NME9: variants seen among roughly 807,000 people sequenced by gnomAD.
NME9 encodes the protein NME/NM23 family member 9, also known as thioredoxin domain-containing protein 6.
NME9 carries 48 observed loss-of-function variants against 44.4 expected under a neutral mutation model. The observed-to-expected ratio is 1.08, with a 90% CI of 0.86 to 1.37. The LOEUF (loss-of-function observed/expected upper bound fraction) is 1.37, where lower values mean the gene tolerates loss of function less well. NME9 is among the 40% of genes most tolerant of loss of function. NME9 has a pLI of 0.00. For missense variants in NME9, 325 were observed against 405.2 expected, an observed-to-expected ratio of 0.80 and a Z score of 1.70; for synonymous variants, 139 against 147.1, an observed-to-expected ratio of 0.94 and a Z score of 0.40.
intron 6 of NME9, 44 bp from the exon 7 acceptor site, chr3:138,306,524 C>G (rs755305328): frequency 3.4e-5 from 40 of 1,178,022 alleles, no homozygotes; most frequent in South Asian, 6.8e-5. Context: ...GTTTGAGGCT[C>G]CTGAGAGGCC....
At chr3:138,284,331 AT>A in intron 8 of NME9, 1 of 807,242 alleles carries the variant, frequency 1.2e-6, no homozygotes, top group Non-Finnish European at 2.1e-6. Flanking sequence ...ACCTGTGAGA[AT>A]CCATGTACCT....
In NME9 at chr3:138,329,289, C is replaced by T. The variant is rs1469872260; in HGVS notation, c.33+14G>A. ...CCAACCCAGAGCTGGAAGCTAGCGC[C>T]CCTTGAGGCTTACCTGCAGGGCAAT... On this transcript the variant is annotated intron_variant, in intron 1 of 10. Coordinates refer to ENST00000333911, the MANE Select transcript of NME9 (RefSeq NM_001349018.2). 5 of 1,535,452 alleles carry T rather than the reference C, an allele frequency of 3.3e-6. No individual in the cohort carries two copies. In the East Asian group the frequency reaches 9.8e-5, roughly 30 times the overall value.
Position 138,306,497 on chromosome 3 carries a change from T to TG in NME9, c.461-18dup, listed in dbSNP as rs1249402933. On this transcript the variant is annotated splice_polypyrimidine_tract_variant and intron_variant, in intron 6 of 10. Transcript: ENST00000333911. ...CTGATGAAACTAAGCCAAAAAATGGTGCTGTCAGATGCTGATGTTTGAGGC... is the reference window on the plus strand; with the variant it reads ...CTGATGAAACTAAGCCAAAAAATGGTGGCTGTCAGATGCTGATGTTTGAGGC... 2.6e-6 allele frequency: 4 copies of TG among 1,514,032 alleles called. No individual in the cohort carries two copies. In the Admixed American group the frequency reaches 7.1e-5, roughly 27 times the overall value. 93.8% of individuals were successfully genotyped at this position (1,514,032 alleles called of 1,614,324 possible).
intron 8 of NME9, among the ~76,000 whole-genome samples, chr3:138,271,798 C>CTTTTTTTTTTT (rs776320900): frequency 2.2e-5 from 3 of 136,136 alleles, no homozygotes; most frequent in African/African-American, 8.5e-5. Context: ...TTTTTTCTTT[C>CTTTTTTTTTTT]TTTTTTTTTT....
At chr3:138,265,772 G>A (rs1486098761) in intron 8 of NME9, among the ~76,000 whole-genome samples, 6 of 152,212 alleles carry the variant, frequency 3.9e-5, no homozygotes, top group Non-Finnish European at 8.8e-5. Flanking sequence ...TAAGGACGAA[G>A]TGGAAGAGTT....
downstream of NME9, among the ~76,000 whole-genome samples, chr3:138,298,734 A>G (rs143108943): frequency 8.5e-3 from 1,295 of 152,326 alleles, 8 homozygotes; most frequent in Middle Eastern, 0.017. Flanking sequence ...CTACCACAGT[A>G]TGCAAGAGCT....
At chr3:138,262,656 G>T (rs2047868160) in intron 8 of NME9, 1 of 1,457,794 alleles carries the variant, frequency 6.9e-7, no homozygotes, top group Non-Finnish European at 9.1e-7. Context: ...AATTTAATTG[G>T]TCTGCTGTAT....
chr3:138,278,282 G>A (rs1252052506), intron 8 of NME9, among the ~76,000 whole-genome samples: 1 of 152,058 alleles, frequency 6.6e-6, no homozygotes, highest in African/African-American at 2.4e-5. Flanking sequence ...TGAGGCAGGC[G>A]GATCACTTGA....
intron 8 of NME9, chr3:138,273,254 TTGA>T: frequency 1.0e-6 from 1 of 960,324 alleles, no homozygotes; most frequent in Admixed American, 2.7e-5. Flanking sequence ...AAACAAGGAG[TTGA>T]TGTCTAAACC....
chr3:138,318,752 G>A (rs1193784577), intron 3 of NME9, among the ~76,000 whole-genome samples: 2 of 152,156 alleles, frequency 1.3e-5, no homozygotes, highest in Non-Finnish European at 2.9e-5. Flanking sequence ...TATCAACAGT[G>A]TCTCTTGCAC....
chr3:138,275,314 T>G (rs945215385), intron 8 of NME9, among the ~76,000 whole-genome samples: 2 of 152,116 alleles, frequency 1.3e-5, no homozygotes, highest in African/African-American at 4.8e-5. Context: ...TCCCAGCACT[T>G]TGGGAGGCCG....
intron 8 of NME9, among the ~76,000 whole-genome samples, chr3:138,281,302 T>A (rs2049897289): frequency 6.6e-6 from 1 of 151,898 alleles, no homozygotes; most frequent in Non-Finnish European, 1.5e-5. Flanking sequence ...CTTTTTCTTT[T>A]TTTTTTTTTG....
rs1266965135 is a variant in NME9 at position 138,318,062 on chromosome 3, G to C, written c.267+86C>G. The C allele has an allele frequency of 8.0e-6, 7 of 871,856 alleles. No individual in the cohort carries two copies. The African/African-American group carries it at 8.2e-5, about 10-fold the overall frequency. 54.0% of individuals were successfully genotyped at this position (871,856 alleles called of 1,614,324 possible). ...GGTGGTTCCCATTAATTCTCCAAGA[G>C]TGAATTAATGTCAGTGAGATGCTTC... is the stretch of plus-strand genomic sequence containing the variant. On this transcript the variant is annotated intron_variant, in intron 4 of 10. Coordinates refer to ENST00000333911, the MANE Select transcript of NME9 (RefSeq NM_001349018.2).
Position 138,314,403 on chromosome 3 carries a change from TTAATC to T in NME9, c.385-1_388del. 5.6e-6 allele frequency: 9 copies of T among 1,600,208 alleles called. No homozygotes were observed. Among genetic ancestry groups the T allele is most frequent in the African/African-American group, 1.3e-5 (1 of 74,708 alleles). On this transcript the variant is annotated splice_acceptor_variant and coding_sequence_variant, in exon 6 of 11. Coordinates refer to ENST00000333911, the MANE Select transcript of NME9 (RefSeq NM_001349018.2). LOFTEE classifies it high-confidence loss of function. ...ATCTTCATCAGAAAGAGCCTCATCT[TTAATC>T]TAGTACAAATTGGTCATTAAAAGAA...
At position 138,303,558 on chromosome 3, in the gene NME9, A is replaced by G. The variant is rs762126281; in HGVS notation, c.877T>C (p.Leu293=). The change falls in exon 10 of 11, where the codon TTG becomes CTG. Residue 293 remains leucine (L), a synonymous_variant. Coordinates refer to ENST00000333911, the MANE Select transcript of NME9 (RefSeq NM_001349018.2). ...GAAAATTTCAAACTGGGGAAGAGCA[A>G]TGCCAGTTCTCTGTCAGCATCTTCT... ...DREDADRELA[L]LFPSLKFSDK... 15 of 1,613,338 alleles carry G rather than the reference A, an allele frequency of 9.3e-6. No individual in the cohort carries two copies. The highest frequency in any genetic ancestry group is 1.1e-5 in the Non-Finnish European group (13 of 1,179,252).
At chr3:138,319,663 AC>A (rs958701068) in intron 2 of NME9, 82 bp from the exon 3 acceptor site, 5 of 727,288 alleles carry the variant, frequency 6.9e-6, no homozygotes, top group Admixed American at 2.1e-5. Context: ...GTACATTCTA[AC>A]CCCCCTCAAA....
At chr3:138,300,344 G>A (rs1560081490), downstream of NME9, among the ~76,000 whole-genome samples, 1 of 152,140 alleles carries the variant, frequency 6.6e-6, no homozygotes, top group African/African-American at 2.4e-5. Flanking sequence ...GTAGGCTGAC[G>A]AAGTGTGATG....
chr3:138,301,159 G>T lies in NME9; in HGVS notation c.*481C>A. The T allele has an allele frequency of 1.1e-6, 1 of 940,452 alleles. No individual in the cohort carries two copies. Among genetic ancestry groups the T allele is most frequent in the Non-Finnish European group, 1.3e-6 (1 of 789,488 alleles). The allele number at this position is 940,452 out of a possible 1,614,324, so 58.3% of individuals were successfully genotyped here. A position where few individuals can be genotyped will look rare whatever the true frequency, so the allele number is the denominator to read the frequency against. The stretch of plus-strand genomic sequence containing the variant: ...GAAAAAAAACTGCGTTCTACATACT[G>T]TTTAATAAGGCAGAAAAGTATATAC... On this transcript the variant is annotated 3_prime_UTR_variant, in exon 11 of 11. Coordinates refer to ENST00000333911, the MANE Select transcript of NME9 (RefSeq NM_001349018.2).
At chr3:138,318,970 G>A (rs1051641485) in intron 3 of NME9, among the ~76,000 whole-genome samples, 1 of 152,148 alleles carries the variant, frequency 6.6e-6, no homozygotes, top group African/African-American at 2.4e-5. Context: ...CGCTGTGGTG[G>A]GAGGATTGCT....
Sources: gnomAD v4.1 joint callset for allele counts (sites outside exome capture counted in the v4.1 genomes callset) on GRCh38, gnomAD v4.1.1 for gene constraint, MANE v1.5 for transcripts, NCBI Gene and HGNC (gene_info 2026-07-23, HGNC 2026-07-21) for gene names.